Variants in ARFGEF1 observed in about 807,000 individuals in gnomAD.
ARFGEF1 encodes ARF guanine nucleotide exchange factor 1, also known as brefeldin A-inhibited guanine nucleotide-exchange protein 1.
Under a neutral mutation model 231.0 loss-of-function variants are expected in ARFGEF1, and 42 were observed. The observed-to-expected ratio is 0.18, with a 90% CI of 0.14 to 0.24. The LOEUF is 0.24. ARFGEF1 is among the 10% of genes least tolerant of loss of function. The pLI, the probability that ARFGEF1 is intolerant of heterozygous loss-of-function variation, is 1.00. For missense variants in ARFGEF1, 1,345 were observed against 2,192.0 expected, an observed-to-expected ratio of 0.61 and a Z score of 7.72; for synonymous variants, 710 against 732.3, an observed-to-expected ratio of 0.97 and a Z score of 0.49.
chr8:67,226,427 C>T (rs1480428428), intron 27 of ARFGEF1, among the ~76,000 whole-genome samples: 2 of 151,884 alleles, frequency 1.3e-5, no homozygotes, highest in African/African-American at 2.4e-5. Flanking sequence ...GACTGGTACA[C>T]GGTAGGTACT....
intron 19 of ARFGEF1, among the ~76,000 whole-genome samples, chr8:67,249,229 G>A (rs538808601): frequency 6.0e-5 from 9 of 150,248 alleles, no homozygotes; most frequent in African/African-American, 2.2e-4. Context: ...TACAACTATT[G>A]TTTTTCATTT....
chr8:67,239,858 C>T (rs949291278), intron 20 of ARFGEF1, among the ~76,000 whole-genome samples: 2 of 151,846 alleles, frequency 1.3e-5, no homozygotes, highest in Non-Finnish European at 2.9e-5. Flanking sequence ...ATATTTTATT[C>T]GTTTAAACAA....
intron 3 of ARFGEF1, among the ~76,000 whole-genome samples, chr8:67,299,664 T>C (rs1806389633): frequency 6.6e-6 from 1 of 152,176 alleles, no homozygotes. Flanking sequence ...TTGCTTACTG[T>C]GCTGGGCGCA....
intron 1 of ARFGEF1, among the ~76,000 whole-genome samples, chr8:67,331,371 G>A (rs74768077): frequency 0.013 from 1,964 of 152,124 alleles, 20 homozygotes; most frequent in Non-Finnish European, 0.018. Flanking sequence ...TCATACGGGT[G>A]GAGCGCTCAT....
rs144593475 is a variant in ARFGEF1, at chr8:67,276,038, T to C, written c.1275A>G (p.Leu425=). Residue 425 remains leucine, a synonymous_variant, in exon 9 of 39, where the codon CTA becomes CTG. Coordinates refer to ENST00000262215, the MANE Select transcript of ARFGEF1 (RefSeq NM_006421.5). The part of the protein sequence containing the change: ...FSHILQKDAF[L]VFRSLCKLSM... ...ACAGTTTACACAATGACCTGAATAC[T>C]AGAAAGGCATCCTTTTGTAAAATGT... 4,054 of 1,613,476 alleles carry C rather than the reference T, an allele frequency of 2.5e-3. 5 individuals carry two copies. Among genetic ancestry groups the C allele is most frequent in the Non-Finnish European group, 2.8e-3 (3,348 of 1,179,556 alleles).
intron 19 of ARFGEF1, among the ~76,000 whole-genome samples, chr8:67,241,622 A>G (rs6990907): frequency 0.62 from 93,716 of 152,026 alleles, 31,594 homozygotes; most frequent in African/African-American, 0.91. Flanking sequence ...ACATTAAAAA[A>G]TTCTTAAAAA....
intron 30 of ARFGEF1, among the ~76,000 whole-genome samples, 198 bp from the exon 31 acceptor site, chr8:67,218,336 T>C (rs1299721814): frequency 1.3e-5 from 2 of 150,718 alleles, no homozygotes; most frequent in Non-Finnish European, 3.0e-5. Context: ...CTGATATCTA[T>C]TGCTCCTTAT....
chr8:67,226,451 T>C (rs971039204), intron 27 of ARFGEF1, among the ~76,000 whole-genome samples: 1 of 152,118 alleles, frequency 6.6e-6, no homozygotes, highest in South Asian at 2.1e-4. Flanking sequence ...TCAACTTTGG[T>C]TGAATGAATA....
At chr8:67,337,039 G>T (rs949115532) in intron 1 of ARFGEF1, among the ~76,000 whole-genome samples, 1 of 144,992 alleles carries the variant, frequency 6.9e-6, no homozygotes, top group African/African-American at 2.5e-5. Flanking sequence ...TGAGGCAGGA[G>T]AATGGCGTGA....
intron 9 of ARFGEF1, among the ~76,000 whole-genome samples, chr8:67,274,470 T>C (rs908205173): frequency 1.3e-5 from 2 of 152,084 alleles, no homozygotes; most frequent in Non-Finnish European, 2.9e-5. Context: ...TTTCCTAATA[T>C]TTGGTTTAAA....
intron 1 of ARFGEF1, among the ~76,000 whole-genome samples, chr8:67,303,192 C>T (rs1216602424): frequency 6.6e-6 from 1 of 151,976 alleles, no homozygotes; most frequent in East Asian, 1.9e-4. Context: ...GGAGGAAAAA[C>T]ACCTCAATGC....
chr8:67,291,078 C>A (rs1805986630), intron 6 of ARFGEF1, among the ~76,000 whole-genome samples: 1 of 152,006 alleles, frequency 6.6e-6, no homozygotes, highest in African/African-American at 2.4e-5. Flanking sequence ...TTCTAGACAA[C>A]CACACTGGAG....
At chr8:67,284,778 T>G (rs1805682194) in intron 7 of ARFGEF1, among the ~76,000 whole-genome samples, 2 of 152,308 alleles carry the variant, frequency 1.3e-5, no homozygotes, top group African/African-American at 4.8e-5. Context: ...TAAGGACATC[T>G]CAGCAGCTAG....
chr8:67,305,286 G>A (rs1405875397), intron 1 of ARFGEF1, among the ~76,000 whole-genome samples: 1 of 152,138 alleles, frequency 6.6e-6, no homozygotes, highest in Non-Finnish European at 1.5e-5. Flanking sequence ...AGTTTTTACA[G>A]CTGAACATCT....
rs1483190587 is a variant in ARFGEF1 at position 67,222,269 on chromosome 8, A to ATGTATTT, written c.4208+2633_4208+2634insAAATACA. Among the ~76,000 whole-genome samples, 5 of 101,948 alleles carry ATGTATTT rather than the reference A, an allele frequency of 4.9e-5. No individual in the cohort carries two copies. The East Asian group carries it at 1.0e-3, about 21-fold the overall frequency. The allele number at this position is 101,948 out of a possible 152,430, so 66.9% of individuals were successfully genotyped here. A position where few individuals can be genotyped will look rare whatever the true frequency, so the allele number is the denominator to read the frequency against. On this transcript the variant is annotated intron_variant, in intron 29 of 38. Coordinates refer to ENST00000262215, the MANE Select transcript of ARFGEF1 (RefSeq NM_006421.5). The stretch of plus-strand genomic sequence containing the variant: ...TATGTATGTATGTATGTATGTATGT[A>ATGTATTT]TTTTTTTTTTTTTTGAGACAGAGTC...
At chr8:67,191,300 CTG>C (rs1052580788) in intron 5 of ARFGEF1, among the ~76,000 whole-genome samples, 9 of 152,174 alleles carry the variant, frequency 5.9e-5, no homozygotes, top group African/African-American at 1.2e-4. Flanking sequence ...TTCTTAAACT[CTG>C]TGTGTGTTTC....
At chr8:67,211,687 C>A in intron 33 of ARFGEF1, 72 bp from the exon 34 acceptor site, 1 of 957,256 alleles carries the variant, frequency 1.0e-6, no homozygotes, top group Non-Finnish European at 1.4e-6. Flanking sequence ...TTCTAAAACG[C>A]TATTTTAAAA....
rs1482780011 is a variant in ARFGEF1, at chr8:67,226,151, T to C, written c.3949A>G (p.Ile1317Val). 1 of 1,610,520 alleles carries C rather than the reference T, an allele frequency of 6.2e-7. No homozygotes were observed. The highest frequency in any genetic ancestry group is 8.5e-7 in the Non-Finnish European group (1 of 1,178,374). ...TTCACTGCATCCTGGAAAGAATCAA[T>C]GGTCGCTGGAAAGTGTTTTTCAAAT... ...LVFEKHFPAT[I>V]DSFQDAVKCL... The change falls in exon 28 of 39, where the codon ATT becomes GTT. Residue 1317 changes from isoleucine to valine, a missense_variant. Coordinates refer to ENST00000262215, the MANE Select transcript of ARFGEF1 (RefSeq NM_006421.5).
At position 67,203,077 on chromosome 8, in the gene ARFGEF1, G is replaced by A. The variant is rs748183329; in HGVS notation, c.5128+6C>T. ...AAACATTAAATGTGAGGCGTGTGCA[G>A]CTTACCTGCTTTCCACAGGGCAGTC... On this transcript the variant is annotated splice_donor_region_variant and intron_variant, in intron 36 of 38. Coordinates refer to ENST00000262215, the MANE Select transcript of ARFGEF1 (RefSeq NM_006421.5). 5.0e-6 allele frequency: 8 copies of A among 1,610,804 alleles called. No individual in the cohort carries two copies. The highest frequency in any genetic ancestry group is 6.8e-6 in the Non-Finnish European group (8 of 1,178,414).
Sources: allele counts gnomAD v4.1 joint callset (sites outside exome capture counted in the v4.1 genomes callset), GRCh38; gene constraint gnomAD v4.1.1; transcripts MANE v1.5; gene names NCBI Gene and HGNC (gene_info 2026-07-23, HGNC 2026-07-21).